GALNT7: variants seen among roughly 807,000 people sequenced by gnomAD.
The protein encoded by GALNT7 is N-acetylgalactosaminyltransferase 7.
In GALNT7, 60 loss-of-function variants were observed where a neutral mutation model predicts 82.1. The observed-to-expected ratio is 0.73, with a 90% CI of 0.59 to 0.91. The LOEUF (loss-of-function observed/expected upper bound fraction) is 0.91. Ranked by LOEUF, GALNT7 falls within the 40% of genes least tolerant of loss-of-function variation. GALNT7 has a pLI of 0.00. For synonymous variants in GALNT7, 243 were observed against 275.1 expected (o/e 0.88, Z 1.15); for missense variants, 660 against 804.2 (o/e 0.82, Z 2.17).
At chr4:173,173,650 G>A (rs369196602) in intron 1 of GALNT7, among the ~76,000 whole-genome samples, 2 of 152,168 alleles carry the variant, frequency 1.3e-5, no homozygotes, top group Admixed American at 6.5e-5. Context: ...GTTCACAATA[G>A]GGTTTATGCT....
At chr4:173,249,820 GAGTTAC>G (rs1734788085) in intron 2 of GALNT7, among the ~76,000 whole-genome samples, 1 of 152,142 alleles carries the variant, frequency 6.6e-6, no homozygotes. Context: ...GGTTGTTAAA[GAGTTAC>G]AGCTGCCATG....
chr4:173,201,209 C>T (rs560624548), intron 1 of GALNT7, among the ~76,000 whole-genome samples: 32 of 152,096 alleles, frequency 2.1e-4, no homozygotes, highest in African/African-American at 6.3e-4. Context: ...GATTTTCTGG[C>T]CTTCATTTTT....
At chr4:173,169,411 A>T (rs1731768471) in intron 1 of GALNT7, 1 of 151,088 alleles carries the variant, frequency 6.6e-6, no homozygotes, top group Non-Finnish European at 1.5e-5. Context: ...AGGAGGCGAG[A>T]TGCCGATGCC....
intron 2 of GALNT7, among the ~76,000 whole-genome samples, chr4:173,273,736 T>A (rs560972621): frequency 6.6e-6 from 1 of 152,154 alleles, no homozygotes; most frequent in Non-Finnish European, 1.5e-5. Flanking sequence ...TTCCTCCTTC[T>A]TTTTCCTCTC....
chr4:173,176,747 C>T (rs1037523896), intron 1 of GALNT7, among the ~76,000 whole-genome samples: 2 of 152,044 alleles, frequency 1.3e-5, no homozygotes, highest in Admixed American at 1.3e-4. Context: ...ATAACTGTGA[C>T]CAATCCTGGG....
At position 173,183,846 on chromosome 4, in the gene GALNT7, G is replaced by GCC. The variant is rs963350693; in HGVS notation, c.126+14886_126+14887insCC. 5.3e-5 allele frequency among the ~76,000 whole-genome samples: 8 copies of GCC among 151,026 alleles called. No homozygotes were observed. The East Asian group carries it at 1.6e-3, about 29-fold the overall frequency. ...GACTGTCCCCCACCTCCCAGACGGG[G>GCC]CGGCTGCCGGGCGGAGACGCTCATC... is the stretch of plus-strand genomic sequence containing the variant. On this transcript the variant is annotated intron_variant, in intron 1 of 11. Transcript: ENST00000265000.
At chr4:173,296,946 C>G (rs1419914113) in intron 5 of GALNT7, among the ~76,000 whole-genome samples, 1 of 152,140 alleles carries the variant, frequency 6.6e-6, no homozygotes, top group African/African-American at 2.4e-5. Flanking sequence ...TTTCCCTTTT[C>G]CTTGGTTTTT....
chr4:173,228,112 T>C (rs1371413561), intron 1 of GALNT7, among the ~76,000 whole-genome samples: 1 of 151,858 alleles, frequency 6.6e-6, no homozygotes, highest in Non-Finnish European at 1.5e-5. Flanking sequence ...AAATGTTTTC[T>C]AGCAGGTCAA....
chr4:173,197,454 T>C (rs1372562152), intron 1 of GALNT7, among the ~76,000 whole-genome samples: 3 of 152,212 alleles, frequency 2.0e-5, no homozygotes, highest in Non-Finnish European at 4.4e-5. Context: ...AATTCAGCAA[T>C]GGGAAAAGAT....
chr4:173,259,604 C>G (rs973158302), intron 2 of GALNT7, among the ~76,000 whole-genome samples: 6 of 151,872 alleles, frequency 4.0e-5, no homozygotes, highest in African/African-American at 1.5e-4. Flanking sequence ...TTGAATTATC[C>G]TCCTTATTTC....
chr4:173,254,569 A>G (rs974026126), intron 2 of GALNT7, among the ~76,000 whole-genome samples: 2 of 152,230 alleles, frequency 1.3e-5, no homozygotes, highest in Non-Finnish European at 1.5e-5. Flanking sequence ...TATTTAGAAT[A>G]TATAGAAATC....
chr4:173,250,389 G>T (rs530903310), intron 2 of GALNT7, among the ~76,000 whole-genome samples: 2 of 152,256 alleles, frequency 1.3e-5, no homozygotes, highest in Non-Finnish European at 2.9e-5. Context: ...ATTAAATGAT[G>T]TACAAGGCTT....
At chr4:173,254,974 A>T (rs192321074) in intron 2 of GALNT7, among the ~76,000 whole-genome samples, 3 of 152,370 alleles carry the variant, frequency 2.0e-5, no homozygotes, top group Admixed American at 2.0e-4. Context: ...ACAAAAACAT[A>T]TACACATTGC....
intron 2 of GALNT7, among the ~76,000 whole-genome samples, chr4:173,264,749 A>T (rs142311005): frequency 0.01 from 1,548 of 152,266 alleles, 14 homozygotes; most frequent in Non-Finnish European, 0.015. Context: ...GTGTTCCACA[A>T]TTGTTTCTCT....
Position 173,314,108 on chromosome 4 carries a change from A to T in GALNT7, c.1540A>T (p.Met514Leu). 5 of 1,614,086 alleles carry T rather than the reference A, an allele frequency of 3.1e-6. No homozygotes were observed. Among genetic ancestry groups the T allele is most frequent in the Non-Finnish European group, 4.2e-6 (5 of 1,179,940 alleles). The stretch of plus-strand genomic sequence containing the variant: ...CAACTGCAAAAGTTTTAAGTGGTTC[A>T]TGGAAGAAATAGCTTATGATATCAC... ...DHNCKSFKWF[M>L]EEIAYDITSH... Residue 514 changes from methionine (M) to leucine (L), a missense_variant, in exon 9 of 12, where the codon ATG becomes TTG. This residue lies in a region of GALNT7 where 527 missense variants were observed against 683.5 expected (regional missense o/e 0.77). Coordinates refer to ENST00000265000, the MANE Select transcript of GALNT7 (RefSeq NM_017423.3).
At chr4:173,273,480 C>T (rs561622432) in intron 2 of GALNT7, among the ~76,000 whole-genome samples, 2 of 152,286 alleles carry the variant, frequency 1.3e-5, no homozygotes, top group African/African-American at 2.4e-5. Flanking sequence ...CCGATCTTCA[C>T]GCCATGAATA....
In GALNT7 at chr4:173,298,177, A is replaced by G. The variant is rs369007045; in HGVS notation, c.1028A>G (p.Gln343Arg). 6.2e-6 allele frequency: 10 copies of G among 1,612,722 alleles called. No individual in the cohort carries two copies. Among genetic ancestry groups the G allele is most frequent in the Middle Eastern group, 1.7e-4 (1 of 6,056 alleles). ...GGCAACACATATGAAATTATACCCC[A>G]AGGGGGTGGTGATGAAGATGGGTAT... is the stretch of plus-strand genomic sequence containing the variant. ...INGNTYEIIP[Q>R]GGGDEDGYAR... The change falls in exon 6 of 12, where the codon CAA becomes CGA. Residue 343 changes from glutamine to arginine, a missense_variant. Gln to Arg is a conservative substitution (Grantham distance 43). Around this residue, in one of 2 missense-constraint regions of GALNT7, gnomAD observed 527 missense variants for 683.5 expected, o/e 0.77. Coordinates refer to ENST00000265000, the MANE Select transcript of GALNT7 (RefSeq NM_017423.3).
chr4:173,314,561 G>A (rs1737523867), intron 9 of GALNT7, among the ~76,000 whole-genome samples: 1 of 152,164 alleles, frequency 6.6e-6, no homozygotes, highest in Non-Finnish European at 1.5e-5. Flanking sequence ...GCAGTTCTAT[G>A]TTCTTTCCAG....
intron 1 of GALNT7, among the ~76,000 whole-genome samples, chr4:173,236,412 A>G (rs573022901): frequency 1.3e-5 from 2 of 152,080 alleles, no homozygotes; most frequent in South Asian, 2.1e-4. Context: ...TTTATTTTTA[A>G]GTTTTTTCTT....
Sources: allele counts gnomAD v4.1 joint callset (sites outside exome capture counted in the v4.1 genomes callset), GRCh38; gene constraint gnomAD v4.1.1; regional missense constraint gnomAD v4.1.1; transcripts MANE v1.5; gene names NCBI Gene and HGNC (gene_info 2026-07-23, HGNC 2026-07-21).